The following ADAMTSL1 variants were observed in gnomAD, a reference collection of about 807,000 sequenced individuals.
ADAMTSL1 encodes ADAMTS like 1, also known as ADAMTS-like protein 1.
Under a neutral mutation model 201.8 loss-of-function variants are expected in ADAMTSL1, and 126 were observed. The observed-to-expected ratio is 0.62, with a 90% confidence interval of 0.54 to 0.72. ADAMTSL1 has a LOEUF of 0.72. Among genes scored for constraint, ADAMTSL1 ranks in the 30% least tolerant of loss-of-function variants. The pLI is 0.00. For missense variants in ADAMTSL1, 2,679 were observed against 2,277.8 expected (o/e 1.18, Z -3.59); for synonymous variants, 1,121 against 903.4 (o/e 1.24, Z -4.32).
chr9:18,180,680 G>C (rs905806678), intron 2 of ADAMTSL1, among the ~76,000 whole-genome samples: 4 of 151,966 alleles, frequency 2.6e-5, no homozygotes, highest in Non-Finnish European at 5.9e-5. Context: ...TGGGTAGGAA[G>C]AATCAATATC....
chr9:18,018,141 C>G (rs981264435), intron 1 of ADAMTSL1, among the ~76,000 whole-genome samples: 11 of 152,050 alleles, frequency 7.2e-5, no homozygotes, highest in African/African-American at 2.7e-4. Context: ...CACTCAAAAG[C>G]CTAAAGTATT....
intron 1 of ADAMTSL1, among the ~76,000 whole-genome samples, chr9:18,143,278 C>T (rs72701504): frequency 0.059 from 9,009 of 152,188 alleles, 347 homozygotes; most frequent in Middle Eastern, 0.12. Flanking sequence ...GGACCAAGTT[C>T]CCTTCTCCTT....
chr9:18,309,656 A>G (rs1307348717), intron 2 of ADAMTSL1, among the ~76,000 whole-genome samples: 1 of 152,124 alleles, frequency 6.6e-6, no homozygotes, highest in Admixed American at 6.5e-5. Flanking sequence ...ACCAAGAACT[A>G]AAAACCACTG....
At chr9:18,499,766 A>G (rs1822734381) in intron 1 of ADAMTSL1, among the ~76,000 whole-genome samples, 2 of 152,266 alleles carry the variant, frequency 1.3e-5, no homozygotes, top group East Asian at 1.9e-4. Flanking sequence ...CTCATAGCCC[A>G]TTTTGTTACT....
intron 1 of ADAMTSL1, among the ~76,000 whole-genome samples, chr9:18,153,398 T>A (rs1225576713): frequency 6.6e-6 from 1 of 152,070 alleles, no homozygotes; most frequent in Non-Finnish European, 1.5e-5. Flanking sequence ...ATTTATAAAA[T>A]TAATAACTGA....
intron 2 of ADAMTSL1, among the ~76,000 whole-genome samples, chr9:18,285,098 T>TG (rs2132648223): frequency 6.6e-6 from 1 of 152,302 alleles, no homozygotes; most frequent in African/African-American, 2.4e-5. Flanking sequence ...TTTTTAAAGT[T>TG]GTTTTTAAGG....
chr9:18,645,172 T>A (rs546930611), intron 7 of ADAMTSL1, among the ~76,000 whole-genome samples: 31 of 152,352 alleles, frequency 2.0e-4, no homozygotes, highest in African/African-American at 7.5e-4. Context: ...GTCTTTTGGC[T>A]GCAAAAATGT....
At chr9:17,933,372 C>T (rs1225181447) in intron 1 of ADAMTSL1, among the ~76,000 whole-genome samples, 2 of 152,092 alleles carry the variant, frequency 1.3e-5, no homozygotes, top group Non-Finnish European at 2.9e-5. Context: ...AGATAATCTC[C>T]TCATCTGAAA....
chr9:18,035,900 T>C (rs1000944933), intron 1 of ADAMTSL1, among the ~76,000 whole-genome samples: 9 of 152,196 alleles, frequency 5.9e-5, no homozygotes, highest in African/African-American at 2.2e-4. Context: ...GCCCTATATA[T>C]GCTAAGAGCT....
At chr9:18,060,598 G>A (rs1368973001) in intron 1 of ADAMTSL1, among the ~76,000 whole-genome samples, 1 of 152,068 alleles carries the variant, frequency 6.6e-6, no homozygotes, top group Non-Finnish European at 1.5e-5. Flanking sequence ...ATTATGCTCT[G>A]CCTACTTAAC....
chr9:18,029,602 G>A (rs1291943974), intron 1 of ADAMTSL1, among the ~76,000 whole-genome samples: 2 of 152,042 alleles, frequency 1.3e-5, no homozygotes, highest in Non-Finnish European at 2.9e-5. Flanking sequence ...CCATCAGAGT[G>A]AACAGGCAAC....
At chr9:18,082,437 G>C (rs549454616) in intron 1 of ADAMTSL1, among the ~76,000 whole-genome samples, 2 of 152,058 alleles carry the variant, frequency 1.3e-5, no homozygotes, top group African/African-American at 4.8e-5. Flanking sequence ...TCAGCCTCCC[G>C]AGTAGCTGGG....
At chr9:18,516,144 T>C (rs1445843704) in intron 2 of ADAMTSL1, among the ~76,000 whole-genome samples, 1 of 151,902 alleles carries the variant, frequency 6.6e-6, no homozygotes, top group East Asian at 1.9e-4. Context: ...GCATAATTTA[T>C]TGAATTATTC....
intron 1 of ADAMTSL1, among the ~76,000 whole-genome samples, chr9:17,989,908 T>C (rs1048275716): frequency 6.6e-6 from 1 of 151,746 alleles, no homozygotes; most frequent in Non-Finnish European, 1.5e-5. Flanking sequence ...TACAAGGTCA[T>C]TGTAAACATC....
At chr9:18,243,483 C>T (rs746574609) in intron 2 of ADAMTSL1, among the ~76,000 whole-genome samples, 1 of 152,030 alleles carries the variant, frequency 6.6e-6, no homozygotes, top group African/African-American at 2.4e-5. Context: ...CTCACACTGA[C>T]CTTTGAAATA....
At chr9:18,758,485 C>T (rs1819895157) in intron 16 of ADAMTSL1, among the ~76,000 whole-genome samples, 2 of 152,202 alleles carry the variant, frequency 1.3e-5, no homozygotes, top group African/African-American at 4.8e-5. Context: ...AGGGGAACCG[C>T]AGGCCTGCGT....
chr9:17,987,787 TA>T (rs1174709129), intron 1 of ADAMTSL1, among the ~76,000 whole-genome samples: 2 of 152,064 alleles, frequency 1.3e-5, no homozygotes, highest in Non-Finnish European at 1.5e-5. Context: ...TCAAGTTCCC[TA>T]AATGTGTTGC....
rs188519556 is a variant in ADAMTSL1, at chr9:17,945,497, C to T, written c.87+38575C>T. 3.3e-3 allele frequency among the ~76,000 whole-genome samples: 501 copies of T among 151,862 alleles called. 13 individuals are homozygous for T. The East Asian group carries it at 0.085, about 26-fold the overall frequency. On this transcript the variant is annotated intron_variant, in intron 1 of 29. Coordinates refer to the ADAMTSL1 transcript ENST00000680146. ...ACCCAAAGGATTATAAATCATGTGG[C>T]TGTAAAGACACATGCACACGTATGT... is the stretch of plus-strand genomic sequence containing the variant.
intron 2 of ADAMTSL1, among the ~76,000 whole-genome samples, chr9:18,461,451 A>T (rs552079838): frequency 6.6e-6 from 1 of 152,294 alleles, no homozygotes; most frequent in South Asian, 2.1e-4. Flanking sequence ...GCTAATTAAC[A>T]TATGCATTAC....
Sources: gnomAD v4.1 joint callset for allele counts (sites outside exome capture counted in the v4.1 genomes callset) on GRCh38, gnomAD v4.1.1 for gene constraint, MANE v1.5 for transcripts, NCBI Gene and HGNC (gene_info 2026-07-23, HGNC 2026-07-21) for gene names.